KLRF1: variants seen among roughly 807,000 people sequenced by gnomAD.
The protein encoded by KLRF1 is killer cell lectin like receptor F1.
KLRF1 carries 27 observed loss-of-function variants against 30.7 expected under a neutral mutation model. That is an observed-to-expected ratio of 0.88 (90% confidence interval 0.65 to 1.21). The LOEUF is 1.21. Ranked by LOEUF, KLRF1 falls within the 50% of genes most tolerant of loss-of-function variation. The pLI is 0.00. For synonymous variants in KLRF1, 92 were observed against 89.3 expected (o/e 1.03, Z -0.17); for missense variants, 246 against 259.3 (o/e 0.95, Z 0.35).
At chr12:9,813,787 G>A in the KLRF1 span, among the ~76,000 whole-genome samples, 1 of 152,136 alleles carries the variant, frequency 6.6e-6, no homozygotes, top group Non-Finnish European at 1.5e-5. Context: ...CTTAGTGCAG[G>A]GAAAGTGTGT....
intron 3 of KLRF1, among the ~76,000 whole-genome samples, chr12:9,840,745 G>A (rs1867682141): frequency 6.6e-6 from 1 of 151,944 alleles, no homozygotes; most frequent in Admixed American, 6.6e-5. Flanking sequence ...TGTTAACGAC[G>A]ATGAGGTACT....
intron 3 of KLRF1, among the ~76,000 whole-genome samples, chr12:9,838,456 C>G (rs1405453182): frequency 2.6e-5 from 4 of 152,026 alleles, no homozygotes; most frequent in Non-Finnish European, 5.9e-5. Flanking sequence ...CGGTTGTCCC[C>G]CAAGACTATT....
chr12:9,809,385 C>G, the KLRF1 span, among the ~76,000 whole-genome samples: 1 of 152,134 alleles, frequency 6.6e-6, no homozygotes, highest in Non-Finnish European at 1.5e-5. Context: ...TTAACTTTCT[C>G]TTAGTTTTCC....
rs1867485777 is a variant in KLRF1 at position 9,833,228 on chromosome 12, A to G, written c.185-75A>G. ...ATTTCTTGTTCCAATCATCGGAATC[A>G]TTCCATTGAATGTGTCCCTGAAACA... On this transcript the variant is annotated intron_variant, in intron 2 of 5. Coordinates refer to ENST00000617889, the MANE Select transcript of KLRF1 (RefSeq NM_016523.3). The G allele has an allele frequency of 1.2e-5, 12 of 996,902 alleles. 1 individual carries two copies. The South Asian group carries it at 2.7e-4, about 23-fold the overall frequency. 61.8% of individuals were successfully genotyped at this position (996,902 alleles called of 1,614,324 possible). A position where few individuals can be genotyped will look rare whatever the true frequency, so the allele number is the denominator to read the frequency against.
At chr12:9,831,167 CT>C (rs201936936) in intron 1 of KLRF1, among the ~76,000 whole-genome samples, 3,156 of 151,786 alleles carry the variant, frequency 0.021, 54 homozygotes, top group Non-Finnish European at 0.036. Flanking sequence ...AAATATATGA[CT>C]TTTTTAAGAC....
At chr12:9,837,655 T>G (rs1867608931) in intron 3 of KLRF1, among the ~76,000 whole-genome samples, 1 of 152,170 alleles carries the variant, frequency 6.6e-6, no homozygotes, top group African/African-American at 2.4e-5. Flanking sequence ...TTGTTCCAAC[T>G]GTTATACCTT....
chr12:9,828,306 C>G (rs1448959624), intron 1 of KLRF1, among the ~76,000 whole-genome samples: 1 of 152,060 alleles, frequency 6.6e-6, no homozygotes, highest in Non-Finnish European at 1.5e-5. Flanking sequence ...GTCTTGAACT[C>G]CTGACCTCAG....
chr12:9,816,082 T>C, the KLRF1 span, among the ~76,000 whole-genome samples: 3 of 152,206 alleles, frequency 2.0e-5, no homozygotes. Flanking sequence ...CCTCCCAAAG[T>C]GCTGAGATTA....
the KLRF1 span, among the ~76,000 whole-genome samples, chr12:9,814,511 G>A: frequency 6.6e-6 from 1 of 152,206 alleles, no homozygotes; most frequent in Non-Finnish European, 1.5e-5. Context: ...CAGGGGCCTG[G>A]GGATCCATGG....
At chr12:9,813,428 C>T in the KLRF1 span, among the ~76,000 whole-genome samples, 41 of 152,122 alleles carry the variant, frequency 2.7e-4, 1 homozygote, top group East Asian at 7.9e-3. Context: ...CCTCAGCCTC[C>T]CCAGTAGCTG....
the KLRF1 span, among the ~76,000 whole-genome samples, chr12:9,806,135 G>A: frequency 6.6e-6 from 1 of 151,536 alleles, no homozygotes; most frequent in Middle Eastern, 3.2e-3. Context: ...GTTATTATTT[G>A]AGATTTCTTC....
chr12:9,823,332 A>G (rs965338242), upstream of KLRF1, among the ~76,000 whole-genome samples: 4 of 152,112 alleles, frequency 2.6e-5, no homozygotes, highest in Non-Finnish European at 4.4e-5. Context: ...GACAAAACAA[A>G]TCACTCAAAA....
At chr12:9,816,067 C>T in the KLRF1 span, among the ~76,000 whole-genome samples, 2 of 152,198 alleles carry the variant, frequency 1.3e-5, no homozygotes, top group Non-Finnish European at 2.9e-5. Context: ...ATCTGCCCGC[C>T]TCGGCCTCCC....
intron 3 of KLRF1, among the ~76,000 whole-genome samples, chr12:9,834,511 C>G (rs1867526628): frequency 6.6e-6 from 1 of 151,814 alleles, no homozygotes; most frequent in Non-Finnish European, 1.5e-5. Context: ...TGGGAGAGGT[C>G]AACTTGCAGG....
At chr12:9,833,508 T>C (rs1452979382) in intron 3 of KLRF1, 56 bp downstream of exon 3, 48 of 1,441,320 alleles carry the variant, frequency 3.3e-5, no homozygotes, top group Non-Finnish European at 3.7e-5. Context: ...TCTCTAAATG[T>C]GAAGTATTTT....
intron 5 of KLRF1, among the ~76,000 whole-genome samples, 178 bp from the exon 6 acceptor site, chr12:9,844,240 A>C (rs778935841): frequency 1.8e-4 from 28 of 152,264 alleles, no homozygotes; most frequent in African/African-American, 6.5e-4. Flanking sequence ...GCAACTCTTG[A>C]CCAACCACAG....
chr12:9,824,044 T>C (rs772310269), upstream of KLRF1, among the ~76,000 whole-genome samples: 5 of 152,140 alleles, frequency 3.3e-5, no homozygotes, highest in South Asian at 6.2e-4. Flanking sequence ...TTCTGCCAGA[T>C]GTACAGAGCT....
intron 1 of KLRF1, among the ~76,000 whole-genome samples, chr12:9,831,107 C>T (rs1218588036): frequency 3.9e-5 from 6 of 151,944 alleles, no homozygotes; most frequent in Non-Finnish European, 5.9e-5. Context: ...CCACCTTCCA[C>T]AACTTTTTTT....
At chr12:9,802,586 C>A in the KLRF1 span, among the ~76,000 whole-genome samples, 5 of 151,936 alleles carry the variant, frequency 3.3e-5, no homozygotes, top group Non-Finnish European at 4.4e-5. Context: ...ATTTAGAAAA[C>A]CCCATTGTCT....
Sources: allele counts gnomAD v4.1 joint callset (sites outside exome capture counted in the v4.1 genomes callset), GRCh38; gene constraint gnomAD v4.1.1; transcripts MANE v1.5; gene names NCBI Gene and HGNC (gene_info 2026-07-23, HGNC 2026-07-21).